The following SFMBT2 variants were observed in gnomAD, a reference collection of about 807,000 sequenced individuals.
SFMBT2 encodes Scm like with four mbt domains 2, also known as scm-like with four MBT domains protein 2.
In SFMBT2, 38 loss-of-function variants were observed where a neutral mutation model predicts 110.1. The ratio of observed to expected loss-of-function variants is 0.35; its 90% CI spans 0.27 to 0.45. The LOEUF (loss-of-function observed/expected upper bound fraction) is 0.45. SFMBT2 is among the 20% of genes least tolerant of loss of function. The pLI is 1.00. For missense variants in SFMBT2, 1,011 were observed against 1,094.9 expected (o/e 0.92, Z 1.08); for synonymous variants, 425 against 425.4 (o/e 1.00, Z 0.01).
rs117970356 is a variant in SFMBT2, at chr10:7,311,636, T to A, written c.437-25682A>T. ...CCTTCAGTTAAAGTCAATATCCTAC[T>A]CACGTCATGTTGACAAAAAGAAAAA... On this transcript the variant is annotated intron_variant, in intron 4 of 20. Coordinates refer to ENST00000397167, the MANE Select transcript of SFMBT2 (RefSeq NM_001387889.1). Among the ~76,000 whole-genome samples the A allele has an allele frequency of 2.4e-4, 36 of 152,340 alleles. No individual in the cohort carries two copies. The East Asian group carries it at 6.6e-3, about 28-fold the overall frequency.
intron 7 of SFMBT2, among the ~76,000 whole-genome samples, chr10:7,272,156 G>A (rs1457755678): frequency 6.6e-6 from 1 of 152,144 alleles, no homozygotes; most frequent in African/African-American, 2.4e-5. Context: ...TCGTACCCTA[G>A]AGTCCAAACA....
chr10:7,378,750 T>A (rs548141693), intron 2 of SFMBT2, among the ~76,000 whole-genome samples: 1 of 143,456 alleles, frequency 7.0e-6, no homozygotes, highest in African/African-American at 2.6e-5. Flanking sequence ...TGGGGTGGTG[T>A]GAGTGTGGGT....
chr10:7,353,586 A>AC (rs1175499628), intron 4 of SFMBT2, among the ~76,000 whole-genome samples: 2 of 151,914 alleles, frequency 1.3e-5, no homozygotes, highest in Admixed American at 1.3e-4. Flanking sequence ...TTGTTCATAT[A>AC]CCCCCCATAC....
chr10:7,268,949 T>G (rs1841482038), intron 7 of SFMBT2, among the ~76,000 whole-genome samples: 1 of 152,218 alleles, frequency 6.6e-6, no homozygotes, highest in South Asian at 2.1e-4. Flanking sequence ...CACGGTGATA[T>G]ACAGTGCAGT....
At chr10:7,222,637 A>G (rs568767191) in intron 10 of SFMBT2, among the ~76,000 whole-genome samples, 2 of 152,014 alleles carry the variant, frequency 1.3e-5, no homozygotes, top group South Asian at 2.1e-4. Context: ...GAAACTAGCT[A>G]AGCCATTAAG....
chr10:7,378,143 TA>T (rs1845304602), intron 2 of SFMBT2, among the ~76,000 whole-genome samples: 2 of 109,728 alleles, frequency 1.8e-5, no homozygotes, highest in African/African-American at 3.6e-5. Flanking sequence ...GGTGTGAGTG[TA>T]TGGATGGGTG....
chr10:7,179,771 C>G lies in SFMBT2; in HGVS notation c.1809-3606G>C, dbSNP rs367739870. On this transcript the variant is annotated intron_variant, in intron 16 of 20. Coordinates refer to ENST00000397167, the MANE Select transcript of SFMBT2 (RefSeq NM_001387889.1). The stretch of plus-strand genomic sequence containing the variant: ...AGCGACGGATGAAGGGAGCGGTTAT[C>G]TGGGGGAAACAGAACCAGGCTGGCT... Among the ~76,000 whole-genome samples, 143 of 152,350 alleles carry G rather than the reference C, an allele frequency of 9.4e-4. 1 individual carries two copies. Among genetic ancestry groups the G allele is most frequent in the Middle Eastern group, 3.4e-3 (1 of 294 alleles).
chr10:7,275,219 C>T (rs1351394472), intron 7 of SFMBT2, among the ~76,000 whole-genome samples: 1 of 152,348 alleles, frequency 6.6e-6, no homozygotes, highest in South Asian at 2.1e-4. Flanking sequence ...TGTAATTTCC[C>T]ATTGGCTCAC....
chr10:7,239,663 T>C (rs1333335772), intron 9 of SFMBT2, among the ~76,000 whole-genome samples: 2 of 152,206 alleles, frequency 1.3e-5, no homozygotes, highest in African/African-American at 4.8e-5. Flanking sequence ...TGTAAAATTA[T>C]TCCCTAAAAT....
At chr10:7,340,449 T>A (rs1247142324) in intron 4 of SFMBT2, among the ~76,000 whole-genome samples, 9 of 151,958 alleles carry the variant, frequency 5.9e-5, no homozygotes, top group African/African-American at 1.9e-4. Context: ...GTCTGCTCCA[T>A]CCCCATTCCC....
rs113032098 is a variant in SFMBT2, at chr10:7,207,220, G to A, written c.1331-1292C>T. Among the ~76,000 whole-genome samples the A allele has an allele frequency of 5.5e-3, 838 of 151,946 alleles. 5 individuals are homozygous for A. The highest frequency in any genetic ancestry group is 7.8e-3 in the Non-Finnish European group (533 of 67,964). On this transcript the variant is annotated intron_variant, in intron 11 of 20. Transcript: ENST00000397167. ...ACAAAAAATACAAAATTAGCCTGGC[G>A]TGGTAGCAGGCACCTGTAAGTCCTA...
chr10:7,305,712 T>G lies in SFMBT2; in HGVS notation c.437-19758A>C, dbSNP rs532654444. Among the ~76,000 whole-genome samples, 3 of 152,324 alleles carry G rather than the reference T, an allele frequency of 2.0e-5. No individual in the cohort carries two copies. The South Asian group carries it at 6.2e-4, about 32-fold the overall frequency. ...ATTGACTTAGCAAAGGTCTACCCTT[T>G]CGGGAGACTCAAATTTTCTAGAAGA... On this transcript the variant is annotated intron_variant, in intron 4 of 20. Transcript: ENST00000397167.
Position 7,301,973 on chromosome 10 carries a change from G to C in SFMBT2, c.437-16019C>G, listed in dbSNP as rs1469371006. ...AAGGGACAGGGGAGGTGTGGACTGG[G>C]GGAAGCACAGAGACCGTCATAAGCC... On this transcript the variant is annotated intron_variant, in intron 4 of 20. Coordinates refer to ENST00000397167, the MANE Select transcript of SFMBT2 (RefSeq NM_001387889.1). The surrounding 1 kb of genome is among the most constrained non-coding windows in gnomAD (Gnocchi z 4.2). 6.6e-6 allele frequency among the ~76,000 whole-genome samples: 1 copy of C among 152,092 alleles called. No homozygotes were observed. Among genetic ancestry groups the C allele is most frequent in the Non-Finnish European group, 1.5e-5 (1 of 68,022 alleles).
chr10:7,248,309 CA>C (rs1234093742), intron 8 of SFMBT2, among the ~76,000 whole-genome samples: 1 of 152,226 alleles, frequency 6.6e-6, no homozygotes, highest in African/African-American at 2.4e-5. Context: ...TATCAGAAGA[CA>C]AGGAAAATTC....
chr10:7,345,399 C>G (rs1037756519), intron 4 of SFMBT2, among the ~76,000 whole-genome samples: 1 of 152,154 alleles, frequency 6.6e-6, no homozygotes, highest in African/African-American at 2.4e-5. Context: ...AGCTCTGTCA[C>G]CCAGGCTAGA....
chr10:7,224,990 A>T (rs1839856209), intron 10 of SFMBT2, among the ~76,000 whole-genome samples: 2 of 152,224 alleles, frequency 1.3e-5, no homozygotes, highest in African/African-American at 2.4e-5. Flanking sequence ...TAAGAAATCA[A>T]CTGGCTCCAT....
In SFMBT2 at chr10:7,192,264, G is replaced by A. The variant is rs117415443; in HGVS notation, c.1699-3531C>T. ...GTCTTTGATTCCGAGGACTGACTTC[G>A]CTGAGGTCAGCTGGGTAAGACATTC... On this transcript the variant is annotated intron_variant, in intron 15 of 20. Transcript: ENST00000397167. 2.0e-4 allele frequency among the ~76,000 whole-genome samples: 30 copies of A among 152,258 alleles called. No individual in the cohort carries two copies. In the East Asian group the frequency reaches 4.1e-3, roughly 21 times the overall value.
intron 15 of SFMBT2, 71 bp downstream of exon 15, chr10:7,197,477 C>T (rs1838813350): frequency 1.3e-6 from 2 of 1,570,872 alleles, no homozygotes; most frequent in South Asian, 2.4e-5. Context: ...TTCCCTCCTT[C>T]AGAAACTGAG....
chr10:7,186,560 T>G (rs2131571134), intron 16 of SFMBT2, among the ~76,000 whole-genome samples: 1 of 151,986 alleles, frequency 6.6e-6, no homozygotes, highest in South Asian at 2.1e-4. Context: ...ATTTGCTGCT[T>G]CAGCTTCCCA....
Sources: allele counts gnomAD v4.1 joint callset (sites outside exome capture counted in the v4.1 genomes callset), GRCh38; gene constraint gnomAD v4.1.1; non-coding constraint Gnocchi (gnomAD v3.1); transcripts MANE v1.5; gene names NCBI Gene and HGNC (gene_info 2026-07-23, HGNC 2026-07-21).